Variants in PARD3B observed in about 807,000 individuals in gnomAD.
The protein encoded by PARD3B is partitioning defective 3 homolog B.
PARD3B carries 103 observed loss-of-function variants against 130.2 expected under a neutral mutation model. The observed-to-expected ratio is 0.79, with a 90% CI of 0.67 to 0.93. The LOEUF (loss-of-function observed/expected upper bound fraction) is 0.93, where lower values mean the gene tolerates loss of function less well. Ranked by LOEUF, PARD3B falls within the 40% of genes least tolerant of loss-of-function variation. PARD3B has a pLI of 0.00. For synonymous variants in PARD3B, 583 were observed against 553.2 expected (o/e 1.05, Z -0.76); for missense variants, 1,609 against 1,499.2 (o/e 1.07, Z -1.21).
intron 1 of PARD3B, among the ~76,000 whole-genome samples, chr2:204,599,508 A>G (rs1204714847): frequency 6.6e-6 from 1 of 151,974 alleles, no homozygotes; most frequent in Non-Finnish European, 1.5e-5. Context: ...TTTGCCTAGA[A>G]TGACAGGATT....
chr2:205,262,714 A>G (rs10202153), intron 16 of PARD3B, among the ~76,000 whole-genome samples: 37,183 of 151,978 alleles, frequency 0.24, 4,946 homozygotes, highest in African/African-American at 0.34. Flanking sequence ...GTCACACTAA[A>G]CACTATGTAG....
intron 3 of PARD3B, among the ~76,000 whole-genome samples, chr2:205,036,063 G>A (rs1397676670): frequency 6.9e-6 from 1 of 144,338 alleles, no homozygotes; most frequent in Non-Finnish European, 1.5e-5. Flanking sequence ...CATTCATCTT[G>A]GTGAGTAATA....
chr2:205,052,534 C>G (rs1038982564), intron 4 of PARD3B, among the ~76,000 whole-genome samples: 4 of 149,126 alleles, frequency 2.7e-5, no homozygotes. Flanking sequence ...TGTTAACTCT[C>G]TGAAGTTTTA....
At chr2:205,224,385 A>AAAAAAAAAAG (rs1164513653) in intron 15 of PARD3B, among the ~76,000 whole-genome samples, 33 of 147,468 alleles carry the variant, frequency 2.2e-4, no homozygotes, top group African/African-American at 6.6e-4. Context: ...AAAAAAAAAA[A>AAAAAAAAAAG]AAAGAAAGAA....
At chr2:205,306,084 A>C (rs1319855695) in intron 18 of PARD3B, among the ~76,000 whole-genome samples, 1 of 152,138 alleles carries the variant, frequency 6.6e-6, no homozygotes, top group African/African-American at 2.4e-5. Flanking sequence ...TGTGGAAATG[A>C]GGTACAGAGA....
chr2:204,614,036 T>C (rs1429748654), intron 1 of PARD3B, among the ~76,000 whole-genome samples: 2 of 152,058 alleles, frequency 1.3e-5, no homozygotes. Context: ...ATGTCTAGAT[T>C]TATAGGTTTG....
intron 3 of PARD3B, among the ~76,000 whole-genome samples, chr2:204,968,340 A>G (rs570403396): frequency 1.3e-5 from 2 of 152,332 alleles, no homozygotes; most frequent in South Asian, 2.1e-4. Flanking sequence ...CCAACACAAG[A>G]TAACCATCAA....
chr2:205,582,025 C>A (rs1168469974), intron 22 of PARD3B, among the ~76,000 whole-genome samples: 1 of 152,128 alleles, frequency 6.6e-6, no homozygotes, highest in East Asian at 1.9e-4. Flanking sequence ...ATTAGCCAAC[C>A]CAAATCCATC....
At chr2:204,835,021 A>T (rs1210382783) in intron 2 of PARD3B, among the ~76,000 whole-genome samples, 1 of 152,162 alleles carries the variant, frequency 6.6e-6, no homozygotes, top group Non-Finnish European at 1.5e-5. Context: ...AACCTCACTG[A>T]GGGTGATTTT....
At chr2:205,155,534 A>G (rs891453444) in intron 10 of PARD3B, among the ~76,000 whole-genome samples, 1 of 152,228 alleles carries the variant, frequency 6.6e-6, no homozygotes, top group Non-Finnish European at 1.5e-5. Context: ...TGAAAATAAA[A>G]AAATTTTGAT....
At chr2:205,329,309 G>C (rs1433865101) in intron 18 of PARD3B, among the ~76,000 whole-genome samples, 1 of 152,150 alleles carries the variant, frequency 6.6e-6, no homozygotes, top group East Asian at 1.9e-4. Context: ...AAGTGCTCGA[G>C]GCATATTTAG....
At chr2:204,982,057 A>G (rs1692714211) in intron 3 of PARD3B, among the ~76,000 whole-genome samples, 1 of 152,182 alleles carries the variant, frequency 6.6e-6, no homozygotes. Flanking sequence ...TAGAAGTGCT[A>G]CAAAAAGACA....
chr2:204,791,153 C>G (rs995129273), intron 2 of PARD3B, among the ~76,000 whole-genome samples: 1 of 151,782 alleles, frequency 6.6e-6, no homozygotes, highest in Non-Finnish European at 1.5e-5. Flanking sequence ...ATGTTAGAAT[C>G]AGAGCAAGCC....
chr2:204,762,755 C>G (rs13029178), intron 2 of PARD3B, among the ~76,000 whole-genome samples: 1 of 126,054 alleles, frequency 7.9e-6, no homozygotes, highest in African/African-American at 2.6e-5. Flanking sequence ...TTTTCTTTTT[C>G]TTTTTCTTTT....
At chr2:205,236,953 A>G (rs2125904684) in intron 15 of PARD3B, among the ~76,000 whole-genome samples, 1 of 152,356 alleles carries the variant, frequency 6.6e-6, no homozygotes, top group South Asian at 2.1e-4. Context: ...TATAAAGTAC[A>G]ACATTCAGGA....
In PARD3B at chr2:205,183,730, TTGTGTGTGTGTGTGTG is replaced by T. The variant is rs71410805; in HGVS notation, c.1925-2005_1925-1990del. Among the ~76,000 whole-genome samples, 50 of 138,250 alleles carry T rather than the reference TTGTGTGTGTGTGTGTG, an allele frequency of 3.6e-4. No homozygotes were observed. The highest frequency in any genetic ancestry group is 5.1e-4 in the South Asian group (2 of 3,924). The allele number at this position is 138,250 out of a possible 152,430, so 90.7% of individuals were successfully genotyped here. On this transcript the variant is annotated intron_variant, in intron 13 of 22. Coordinates refer to ENST00000406610, the MANE Select transcript of PARD3B (RefSeq NM_001302769.2). The surrounding 1 kb of genome is among the most constrained non-coding windows in gnomAD (Gnocchi z 5.2). ...GGTTCTGCAGAGAAACAGAACCAAG[TTGTGTGTGTGTGTGTG>T]TGTGTGTGTGTGTGTGTGTGTGTGT...
Position 205,240,923 on chromosome 2 carries a change from G to A in PARD3B, c.2141-4855G>A, listed in dbSNP as rs565551998. Among the ~76,000 whole-genome samples, 3 of 152,292 alleles carry A rather than the reference G, an allele frequency of 2.0e-5. 1 individual carries two copies. Among genetic ancestry groups the A allele is most frequent in the African/African-American group, 7.2e-5 (3 of 41,578 alleles). On this transcript the variant is annotated intron_variant, in intron 15 of 22. Transcript: ENST00000406610. ...CCTACTGGGAAGCCAATGTGTGTAA[G>A]TATTATGTGCACTTTGATGTTTGCC...
chr2:205,166,477 G>A (rs553066210), intron 11 of PARD3B, among the ~76,000 whole-genome samples: 3 of 152,236 alleles, frequency 2.0e-5, no homozygotes, highest in African/African-American at 4.8e-5. Flanking sequence ...TGGGAAGAAT[G>A]GACCTCTTCA....
Position 205,612,588 on chromosome 2 carries a change from G to T in PARD3B, c.3261-2868G>T, listed in dbSNP as rs574922391. 2.0e-3 allele frequency among the ~76,000 whole-genome samples: 311 copies of T among 152,216 alleles called. 1 individual carries two copies. The highest frequency in any genetic ancestry group is 3.5e-3 in the Non-Finnish European group (239 of 67,998). ...GCTACACACCATCCCCCAAAATAAA[G>T]AAAAATTCTTCTAGCACTCTTTGAA... is the stretch of plus-strand genomic sequence containing the variant. On this transcript the variant is annotated intron_variant, in intron 22 of 22. Coordinates refer to ENST00000406610, the MANE Select transcript of PARD3B (RefSeq NM_001302769.2).
Sources: gnomAD v4.1 joint callset for allele counts (sites outside exome capture counted in the v4.1 genomes callset) on GRCh38, gnomAD v4.1.1 for gene constraint, Gnocchi (gnomAD v3.1) non-coding constraint, MANE v1.5 for transcripts, NCBI Gene and HGNC (gene_info 2026-07-23, HGNC 2026-07-21) for gene names.